The following NIPSNAP1 variants were observed in gnomAD, a reference collection of about 807,000 sequenced individuals.
The protein encoded by NIPSNAP1 is protein NipSnap homolog 1.
NIPSNAP1 carries 25 observed loss-of-function variants against 49.2 expected under a neutral mutation model. The ratio of observed to expected loss-of-function variants is 0.51; its 90% CI spans 0.37 to 0.71. The LOEUF (loss-of-function observed/expected upper bound fraction) is 0.71, where lower values mean the gene tolerates loss of function less well. Among genes scored for constraint, NIPSNAP1 ranks in the 30% least tolerant of loss-of-function variants. The probability of loss-of-function intolerance (pLI) is 0.00; values close to 1 mark genes in which losing one functional copy is unlikely to be tolerated. For synonymous variants in NIPSNAP1, 143 were observed against 140.7 expected, an observed-to-expected ratio of 1.02 and a Z score of -0.12; for missense variants, 294 against 361.0, an observed-to-expected ratio of 0.81 and a Z score of 1.50.
At chr22:29,567,922 A>G (rs1048991804) in intron 4 of NIPSNAP1, among the ~76,000 whole-genome samples, 27 of 152,100 alleles carry the variant, frequency 1.8e-4, no homozygotes, top group Admixed American at 7.2e-4. Context: ...TCATGTCTAC[A>G]ATCCTAGCAC....
chr22:29,569,976 C>T (rs2064395626), intron 3 of NIPSNAP1, 186 bp downstream of exon 3: 4 of 629,714 alleles, frequency 6.4e-6, no homozygotes, highest in East Asian at 2.8e-5. Context: ...GCAACGAGAG[C>T]AAAACTCCAT....
At chr22:29,564,146 C>A (rs1338186701) in intron 4 of NIPSNAP1, 1 of 347,736 alleles carries the variant, frequency 2.9e-6, no homozygotes, top group Non-Finnish European at 5.7e-6. Context: ...GGGGATCACA[C>A]AGGCAAGCTA....
intron 4 of NIPSNAP1, among the ~76,000 whole-genome samples, chr22:29,568,987 G>A (rs537896878): frequency 2.6e-4 from 40 of 152,116 alleles, no homozygotes; most frequent in Non-Finnish European, 5.1e-4. Context: ...GGGCAGGGCC[G>A]GGAAGGAGTC....
chr22:29,556,127 C>T, intron 9 of NIPSNAP1, 128 bp from the exon 10 acceptor site: 4 of 737,694 alleles, frequency 5.4e-6, no homozygotes, highest in South Asian at 5.0e-5. Context: ...CAGGAATGTC[C>T]CATTGCCCTC....
chr22:29,559,303 G>A (rs2064317570), intron 8 of NIPSNAP1, among the ~76,000 whole-genome samples: 1 of 152,224 alleles, frequency 6.6e-6, no homozygotes, highest in African/African-American at 2.4e-5. Context: ...CACTTTGGGA[G>A]GCCGAGGCTG....
intron 1 of NIPSNAP1, among the ~76,000 whole-genome samples, chr22:29,573,277 C>T (rs1252769378): frequency 6.6e-6 from 1 of 152,086 alleles, no homozygotes; most frequent in Non-Finnish European, 1.5e-5. Context: ...CCTCATGATC[C>T]ACCTGCCTCG....
At chr22:29,559,218 C>T (rs2064316801) in intron 8 of NIPSNAP1, among the ~76,000 whole-genome samples, 1 of 146,158 alleles carries the variant, frequency 6.8e-6, no homozygotes, top group Admixed American at 7.0e-5. Flanking sequence ...TACTTGACAT[C>T]TCTACTTTGG....
intron 4 of NIPSNAP1, chr22:29,564,388 A>T (rs2064355914): frequency 4.2e-6 from 2 of 470,794 alleles, no homozygotes; most frequent in African/African-American, 2.0e-5. Context: ...AAAACGGATT[A>T]ACGGAGAAAA....
chr22:29,574,382 C>T (rs2064435912), intron 1 of NIPSNAP1, among the ~76,000 whole-genome samples: 1 of 148,538 alleles, frequency 6.7e-6, no homozygotes, highest in Non-Finnish European at 1.5e-5. Context: ...CTAAATTTTT[C>T]TTTATTCATT....
At chr22:29,577,715 G>GT (rs1377845605) in intron 1 of NIPSNAP1, among the ~76,000 whole-genome samples, 1 of 149,674 alleles carries the variant, frequency 6.7e-6, no homozygotes, top group Non-Finnish European at 1.5e-5. Flanking sequence ...CACCCGGCAT[G>GT]TTTTTTTGTT....
intron 1 of NIPSNAP1, among the ~76,000 whole-genome samples, chr22:29,572,546 T>C (rs1054560758): frequency 1.3e-5 from 2 of 151,324 alleles, no homozygotes; most frequent in Non-Finnish European, 2.9e-5. Flanking sequence ...GACTGGCTTA[T>C]GCCTGTAATC....
intron 8 of NIPSNAP1, among the ~76,000 whole-genome samples, chr22:29,560,241 C>CTTTTTTTT: frequency 6.9e-6 from 1 of 145,328 alleles, no homozygotes; most frequent in Admixed American, 6.9e-5. Flanking sequence ...CTCTCCCTGC[C>CTTTTTTTT]TTTTTTTTTT....
At chr22:29,577,794 G>A (rs963128358) in intron 1 of NIPSNAP1, among the ~76,000 whole-genome samples, 11 of 148,958 alleles carry the variant, frequency 7.4e-5, no homozygotes, top group East Asian at 4.0e-4. Context: ...GTGCAGTGGC[G>A]CGATCTTGGC....
chr22:29,574,687 G>C (rs1326450360), intron 1 of NIPSNAP1, among the ~76,000 whole-genome samples: 1 of 151,112 alleles, frequency 6.6e-6, no homozygotes, highest in Non-Finnish European at 1.5e-5. Context: ...GCTGAGGCAG[G>C]AGAATCACTT....
chr22:29,559,521 A>T (rs2064319241), intron 8 of NIPSNAP1, among the ~76,000 whole-genome samples: 1 of 151,822 alleles, frequency 6.6e-6, no homozygotes, highest in African/African-American at 2.4e-5. Flanking sequence ...TAGGTGACAG[A>T]GCAAGACTGT....
At chr22:29,576,239 C>T (rs527256065) in intron 1 of NIPSNAP1, among the ~76,000 whole-genome samples, 3 of 150,980 alleles carry the variant, frequency 2.0e-5, no homozygotes, top group African/African-American at 5.0e-5. Flanking sequence ...AGGCTGGTCT[C>T]GAACTCCTGA....
chr22:29,580,984 C>T lies in NIPSNAP1; in HGVS notation c.98+1G>A, dbSNP rs2064493876. ...CTATCCCTGCCTGGCCGGGCTCTCA[C>T]CGCGCCGCAGCTGCAGACGCAACGT... On this transcript the variant is annotated splice_donor_variant, in intron 1 of 9. Transcript: ENST00000216121. LOFTEE classifies it high-confidence loss of function. 6.5e-7 allele frequency: 1 copy of T among 1,530,160 alleles called. No homozygotes were observed. Among genetic ancestry groups the T allele is most frequent in the Non-Finnish European group, 8.7e-7 (1 of 1,143,816 alleles). 94.8% of individuals were successfully genotyped at this position (1,530,160 alleles called of 1,614,324 possible).
chr22:29,568,265 A>T (rs909987498), intron 4 of NIPSNAP1, among the ~76,000 whole-genome samples: 1 of 148,014 alleles, frequency 6.8e-6, no homozygotes, highest in African/African-American at 2.5e-5. Context: ...CAGGTGGATC[A>T]CCTGAGGTCA....
intron 4 of NIPSNAP1, among the ~76,000 whole-genome samples, chr22:29,568,165 C>T (rs8135202): frequency 0.04 from 4,319 of 107,952 alleles, 259 homozygotes; most frequent in African/African-American, 0.15. Flanking sequence ...TGTGACAGAG[C>T]AAGACCCTGT....
Sources: gnomAD v4.1 joint callset for allele counts (sites outside exome capture counted in the v4.1 genomes callset) on GRCh38, gnomAD v4.1.1 for gene constraint, MANE v1.5 for transcripts, NCBI Gene and HGNC (gene_info 2026-07-23, HGNC 2026-07-21) for gene names.